The following DCHS2 variants were observed in gnomAD, a reference collection of about 807,000 sequenced individuals.
The protein encoded by DCHS2 is protocadherin-23.
A neutral mutation model predicts 182.4 loss-of-function variants in DCHS2; 142 were observed. The observed-to-expected ratio is 0.78, with a 90% CI of 0.68 to 0.89. The LOEUF is 0.89. DCHS2 is among the 40% of genes least tolerant of loss of function. DCHS2 has a pLI of 0.00. For missense variants in DCHS2, 4,319 were observed against 4,198.6 expected, an observed-to-expected ratio of 1.03 and a Z score of -0.79; for synonymous variants, 1,740 against 1,663.3, an observed-to-expected ratio of 1.05 and a Z score of -1.12.
In DCHS2 at chr4:154,236,412, T is replaced by A. The variant is rs547933474; in HGVS notation, c.8240A>T (p.Lys2747Met). ...TLTVQASDAE[K>M]KHFSFAVVFV... ...CACAACTGCAAAAGAAAAATGTTTCTTTTCTGCATCTGAAGCTTGGACAGT... is the reference window on the plus strand; with the variant it reads ...CACAACTGCAAAAGAAAAATGTTTCATTTCTGCATCTGAAGCTTGGACAGT... Residue 2747 changes from lysine to methionine, a missense_variant, in exon 20 of 20, where the codon AAG becomes ATG. Coordinates refer to ENST00000357232, the MANE Select transcript of DCHS2 (RefSeq NM_001358235.2). 6.2e-7 allele frequency: 1 copy of A among 1,614,108 alleles called. No homozygotes were observed. Among genetic ancestry groups the A allele is most frequent in the Admixed American group, 1.7e-5 (1 of 60,016 alleles).
chr4:154,335,154 CTGATG>C (rs775892494), intron 3 of DCHS2, 50 bp from the exon 4 acceptor site: 24 of 1,199,050 alleles, frequency 2.0e-5, no homozygotes, highest in Non-Finnish European at 2.7e-5. Context: ...GTAATAAATA[CTGATG>C]AGCAATAGTA....
At chr4:154,303,407 TA>T (rs752227471) in intron 12 of DCHS2, among the ~76,000 whole-genome samples, 1 of 145,262 alleles carries the variant, frequency 6.9e-6, no homozygotes, top group African/African-American at 2.7e-5. Context: ...TGTTACTCTT[TA>T]AAAAAAGTTT....
At position 154,366,323 on chromosome 4, in the gene DCHS2, GTGCCTGGCTGGGTCTCATCACTGA is replaced by G. The variant is rs1469205924; in HGVS notation, c.2339_2362del (p.Ile780_Gly787del). On this transcript the variant is annotated inframe_deletion, in exon 3 of 20. Transcript: ENST00000357232. ...AGTGGCAAGAACATTGATGATCTCG[GTGCCTGGCTGGGTCTCATCACTGA>G]TGCTCGTCACATAGGTTGATGGGTT... 3 of 1,613,804 alleles carry G rather than the reference GTGCCTGGCTGGGTCTCATCACTGA, an allele frequency of 1.9e-6. No individual in the cohort carries two copies. The highest frequency in any genetic ancestry group is 2.5e-6 in the Non-Finnish European group (3 of 1,179,898).
rs1028264600 is a variant in DCHS2, at chr4:154,232,650, T to C, written c.*1886A>G. On this transcript the variant is annotated 3_prime_UTR_variant, in exon 20 of 20. Coordinates refer to ENST00000357232, the MANE Select transcript of DCHS2 (RefSeq NM_001358235.2). Reference sequence around the variant, plus strand: ...ATAATTAGGAAAATATAGTATAGGGTTTCTTTCTATGCTCAAAGCAATGTT... The same window carrying C: ...ATAATTAGGAAAATATAGTATAGGGCTTCTTTCTATGCTCAAAGCAATGTT... The C allele has an allele frequency of 6.6e-6, 1 of 152,100 alleles. No individual in the cohort carries two copies. Among genetic ancestry groups the C allele is most frequent in the Non-Finnish European group, 1.5e-5 (1 of 68,020 alleles). 9.4% of individuals were successfully genotyped at this position (152,100 alleles called of 1,614,324 possible).
chr4:154,465,151 C>T (rs1234491808), intron 1 of DCHS2, among the ~76,000 whole-genome samples: 1 of 152,138 alleles, frequency 6.6e-6, no homozygotes, highest in African/African-American at 2.4e-5. Context: ...GGTGGTTTTG[C>T]TTCAGGACTT....
intron 1 of DCHS2, among the ~76,000 whole-genome samples, chr4:154,420,258 TAGA>T (rs1560747931): frequency 1.3e-4 from 16 of 120,318 alleles, no homozygotes; most frequent in African/African-American, 4.7e-4. Flanking sequence ...GATAGATAGA[TAGA>T]TAGATAGATA....
intron 1 of DCHS2, among the ~76,000 whole-genome samples, chr4:154,470,049 G>A (rs189624722): frequency 4.9e-4 from 75 of 152,278 alleles, no homozygotes; most frequent in South Asian, 1.9e-3. Flanking sequence ...GGCCTGAGAC[G>A]TAGTGGGTGG....
chr4:154,306,115 A>G (rs75305176), intron 10 of DCHS2, among the ~76,000 whole-genome samples: 2,505 of 152,288 alleles, frequency 0.016, 68 homozygotes, highest in East Asian at 0.11. Flanking sequence ...TTTTCATTAC[A>G]TTATGATCTG....
rs1735536860 is a variant in DCHS2 at position 154,472,985 on chromosome 4, G to A, written c.2052+16319C>T. Among the ~76,000 whole-genome samples, 3 of 152,268 alleles carry A rather than the reference G, an allele frequency of 2.0e-5. No individual in the cohort carries two copies. The South Asian group carries it at 6.2e-4, about 32-fold the overall frequency. On this transcript the variant is annotated intron_variant, in intron 1 of 19. Coordinates refer to ENST00000357232, the MANE Select transcript of DCHS2 (RefSeq NM_001358235.2). ...AGTAAAATTAATCCATGTGAAGTAA[G>A]GGGAAGCAACACAGTGCCTCACCAA... is the stretch of plus-strand genomic sequence containing the variant.
chr4:154,435,816 G>C (rs1459878893), intron 1 of DCHS2, among the ~76,000 whole-genome samples: 3 of 152,136 alleles, frequency 2.0e-5, no homozygotes, highest in Non-Finnish European at 4.4e-5. Flanking sequence ...TTAAATGCAA[G>C]CTGCAAAAAT....
At chr4:154,469,812 C>T (rs916529022) in intron 1 of DCHS2, among the ~76,000 whole-genome samples, 1 of 152,208 alleles carries the variant, frequency 6.6e-6, no homozygotes, top group African/African-American at 2.4e-5. Flanking sequence ...ATTCAGTTCT[C>T]AACTGTAACA....
rs374018766 is a variant in DCHS2, at chr4:154,489,664, G to C, written c.1692C>G (p.Ser564=). 3 of 1,551,528 alleles carry C rather than the reference G, an allele frequency of 1.9e-6. No individual in the cohort carries two copies. The highest frequency in any genetic ancestry group is 3.9e-5 in the Admixed American group (2 of 50,984). ...PGTVVMWVSA[S]DADEAGSDHA... is the part of the protein sequence containing the mutation. Reference sequence around the variant, plus strand: ...GATCACTGCCTGCCTCGTCGGCATCGGAGGCGCTGACCCACATGACTACAG... The same window carrying C: ...GATCACTGCCTGCCTCGTCGGCATCCGAGGCGCTGACCCACATGACTACAG... Residue 564 remains serine, a synonymous_variant, in exon 1 of 20, where the codon TCC becomes TCG. Coordinates refer to ENST00000357232, the MANE Select transcript of DCHS2 (RefSeq NM_001358235.2).
chr4:154,354,930 T>C (rs1304543808), intron 3 of DCHS2: 1 of 152,130 alleles, frequency 6.6e-6, no homozygotes, highest in East Asian at 1.9e-4. Flanking sequence ...CTAGCTGTTT[T>C]TCCCCCATTC....
At position 154,474,223 on chromosome 4, in the gene DCHS2, G is replaced by A. The variant is rs541084756; in HGVS notation, c.2052+15081C>T. 6.6e-5 allele frequency among the ~76,000 whole-genome samples: 10 copies of A among 152,316 alleles called. No individual in the cohort carries two copies. In the South Asian group the frequency reaches 2.1e-3, roughly 32 times the overall value. On this transcript the variant is annotated intron_variant, in intron 1 of 19. Transcript: ENST00000357232. ...GGAATTAGGGTCCACTCTAAATCCA[G>A]TGTGATCTCATCTTCAGAGCGTTAA...
intron 19 of DCHS2, among the ~76,000 whole-genome samples, chr4:154,238,691 A>G (rs2111095727): frequency 6.6e-6 from 1 of 152,262 alleles, no homozygotes; most frequent in Non-Finnish European, 1.5e-5. Flanking sequence ...TGCTTAAATA[A>G]TTTTCCTTTT....
chr4:154,418,402 C>T (rs2110908774), intron 1 of DCHS2, among the ~76,000 whole-genome samples: 1 of 152,304 alleles, frequency 6.6e-6, no homozygotes, highest in East Asian at 1.9e-4. Context: ...AAGGTGTCGC[C>T]AGCTGAGAGT....
chr4:154,333,448 G>C lies in DCHS2; in HGVS notation c.2760C>G (p.Gly920=), dbSNP rs763377703. ...GCCGCGGGTGAATGGAGAACTTTCC[G>C]CCGAGATCACCAGAAGAAATCCTGT... ...IFYRISSGDL[G]GKFSIHPRLG... The change falls in exon 5 of 20, where the codon GGC becomes GGG. Residue 920 remains glycine (G), a synonymous_variant. Transcript: ENST00000357232. The C allele has an allele frequency of 6.2e-7, 1 of 1,613,908 alleles. No individual in the cohort carries two copies.
At chr4:154,372,726 G>T (rs552784088) in intron 2 of DCHS2, among the ~76,000 whole-genome samples, 8 of 152,232 alleles carry the variant, frequency 5.3e-5, no homozygotes, top group African/African-American at 1.9e-4. Flanking sequence ...TCAATTGTTT[G>T]GTTACATTAT....
intron 3 of DCHS2, chr4:154,357,348 C>G (rs752122412): frequency 2.7e-6 from 4 of 1,504,366 alleles, no homozygotes; most frequent in African/African-American, 1.4e-5. Context: ...AGGAGCCAGG[C>G]TGGTGGGAGC....
Sources: gnomAD v4.1 joint callset for allele counts (sites outside exome capture counted in the v4.1 genomes callset) on GRCh38, gnomAD v4.1.1 for gene constraint, MANE v1.5 for transcripts, NCBI Gene and HGNC (gene_info 2026-07-23, HGNC 2026-07-21) for gene names.